The following SDK1 variants were observed in gnomAD, a reference collection of about 807,000 sequenced individuals.
SDK1 encodes sidekick cell adhesion molecule 1.
Under a neutral mutation model 245.5 loss-of-function variants are expected in SDK1, and 157 were observed. That is an observed-to-expected ratio of 0.64 (90% CI 0.56 to 0.73). The LOEUF (loss-of-function observed/expected upper bound fraction) is 0.73. Ranked by LOEUF, SDK1 falls within the 30% of genes least tolerant of loss-of-function variation. The probability of loss-of-function intolerance (pLI) is 0.00; values close to 1 mark genes in which losing one functional copy is unlikely to be tolerated. For synonymous variants in SDK1, 1,647 were observed against 1,278.5 expected, an observed-to-expected ratio of 1.29 and a Z score of -6.15; for missense variants, 3,583 against 3,002.3, an observed-to-expected ratio of 1.19 and a Z score of -4.52.
At chr7:4,220,640 T>C (rs1785097831) in intron 39 of SDK1, among the ~76,000 whole-genome samples, 1 of 151,698 alleles carries the variant, frequency 6.6e-6, no homozygotes, top group South Asian at 2.1e-4. Context: ...CTTATCCAAC[T>C]GTTCTGCCCT....
chr7:3,427,339 T>C (rs1452913561), intron 1 of SDK1, among the ~76,000 whole-genome samples: 1 of 152,086 alleles, frequency 6.6e-6, no homozygotes, highest in East Asian at 1.9e-4. Context: ...GCCAACATGA[T>C]GAAACCCTGT....
intron 1 of SDK1, among the ~76,000 whole-genome samples, chr7:3,586,420 G>A (rs369540825): frequency 3.9e-5 from 6 of 151,922 alleles, no homozygotes; most frequent in East Asian, 1.9e-4. Flanking sequence ...GGACAGGGCC[G>A]GGCGCGGTGG....
chr7:4,045,310 A>T (rs1185100623), intron 17 of SDK1, among the ~76,000 whole-genome samples: 1 of 152,098 alleles, frequency 6.6e-6, no homozygotes, highest in Non-Finnish European at 1.5e-5. Context: ...TGGTGTAATC[A>T]CAGCTCACTG....
chr7:4,122,476 A>C (rs1468492738), intron 25 of SDK1, among the ~76,000 whole-genome samples: 2 of 152,184 alleles, frequency 1.3e-5, no homozygotes, highest in Non-Finnish European at 2.9e-5. Flanking sequence ...GGAGCTTAGG[A>C]ATGGCCCAGT....
At chr7:4,046,267 T>C (rs1403307296) in intron 17 of SDK1, among the ~76,000 whole-genome samples, 1 of 152,146 alleles carries the variant, frequency 6.6e-6, no homozygotes, top group Non-Finnish European at 1.5e-5. Context: ...CGTTCTTTAT[T>C]GGGTATCTGT....
rs145657104 is a variant in SDK1, at chr7:3,745,744, T to C, written c.714-75706T>C. 4.9e-3 allele frequency among the ~76,000 whole-genome samples: 741 copies of C among 152,182 alleles called. 6 individuals carry two copies. Among genetic ancestry groups the C allele is most frequent in the African/African-American group, 0.017 (692 of 41,520 alleles). ...ACATTGTTTTCAAATGTCTAGCCAA[T>C]ATAATTAGCCAAGATAAGTAGTAGT... is the stretch of plus-strand genomic sequence containing the variant. On this transcript the variant is annotated intron_variant, in intron 4 of 44. Transcript: ENST00000404826.
chr7:3,987,673 C>T (rs1296098052), intron 14 of SDK1, among the ~76,000 whole-genome samples: 2 of 152,114 alleles, frequency 1.3e-5, no homozygotes, highest in African/African-American at 4.8e-5. Flanking sequence ...TCACCGTCGC[C>T]GCCACTGCTC....
At chr7:3,849,891 C>T (rs1780376102) in intron 5 of SDK1, among the ~76,000 whole-genome samples, 1 of 152,186 alleles carries the variant, frequency 6.6e-6, no homozygotes, top group South Asian at 2.1e-4. Context: ...GTTATGAAGG[C>T]AGTGCTTGGC....
chr7:3,318,740 C>T lies in SDK1; in HGVS notation c.298+16856C>T, dbSNP rs146739884. ...TGATGAATATATTGACCTAGCATAG[C>T]CCTTGCCATTGCATTAGGTACCATC... is the stretch of plus-strand genomic sequence containing the variant. On this transcript the variant is annotated intron_variant, in intron 1 of 44. Coordinates refer to ENST00000404826, the MANE Select transcript of SDK1 (RefSeq NM_152744.4). Among the ~76,000 whole-genome samples, 262 of 152,232 alleles carry T rather than the reference C, an allele frequency of 1.7e-3. 2 individuals carry two copies. Among genetic ancestry groups the T allele is most frequent in the African/African-American group, 6.0e-3 (251 of 41,548 alleles).
intron 1 of SDK1, among the ~76,000 whole-genome samples, chr7:3,439,934 C>CT (rs34797375): frequency 0.11 from 16,990 of 151,680 alleles, 1,282 homozygotes; most frequent in African/African-American, 0.21. Context: ...CTGTGCTGGA[C>CT]TTTTTTTTTA....
chr7:3,748,883 C>T (rs1779697400), intron 4 of SDK1, among the ~76,000 whole-genome samples: 1 of 152,170 alleles, frequency 6.6e-6, no homozygotes, highest in Non-Finnish European at 1.5e-5. Flanking sequence ...AAATATGATT[C>T]ATCCTGTCCA....
At chr7:4,036,351 TG>T (rs1307577129) in intron 17 of SDK1, among the ~76,000 whole-genome samples, 4 of 152,238 alleles carry the variant, frequency 2.6e-5, no homozygotes, top group African/African-American at 4.8e-5. Flanking sequence ...ATCGTGTAAA[TG>T]GATTTGGAAT....
intron 1 of SDK1, among the ~76,000 whole-genome samples, chr7:3,358,110 C>T (rs1231593340): frequency 6.6e-6 from 1 of 152,128 alleles, no homozygotes; most frequent in Non-Finnish European, 1.5e-5. Context: ...CAACCTCTGC[C>T]TCCTGGATTC....
At chr7:4,162,025 C>T (rs1408798503) in intron 32 of SDK1, among the ~76,000 whole-genome samples, 169 bp downstream of exon 32, 1 of 152,048 alleles carries the variant, frequency 6.6e-6, no homozygotes. Flanking sequence ...GAAATGGTGT[C>T]AATTATCATC....
At chr7:3,812,055 G>A (rs748292907) in intron 4 of SDK1, among the ~76,000 whole-genome samples, 3 of 152,292 alleles carry the variant, frequency 2.0e-5, no homozygotes, top group Admixed American at 6.5e-5. Context: ...TGCCTTTGCA[G>A]CTCTTGCCAG....
chr7:4,246,151 G>A (rs1026998199), intron 44 of SDK1, among the ~76,000 whole-genome samples: 6 of 152,170 alleles, frequency 3.9e-5, no homozygotes, highest in East Asian at 3.9e-4. Context: ...TGATGGAAGC[G>A]CAGGTTCCGA....
chr7:3,502,613 G>C (rs954740819), intron 1 of SDK1, among the ~76,000 whole-genome samples: 1 of 152,070 alleles, frequency 6.6e-6, no homozygotes, highest in Non-Finnish European at 1.5e-5. Context: ...ACAAAATTTG[G>C]ATTTACATAC....
At chr7:3,642,170 A>G (rs1352332172) in intron 4 of SDK1, 65 bp downstream of exon 4, 8 of 1,479,346 alleles carry the variant, frequency 5.4e-6, no homozygotes, top group African/African-American at 4.2e-5. Flanking sequence ...CACCATCTAC[A>G]CAGTAAGTGT....
chr7:3,454,234 C>G (rs1216855361), intron 1 of SDK1, among the ~76,000 whole-genome samples: 1 of 152,072 alleles, frequency 6.6e-6, no homozygotes, highest in Non-Finnish European at 1.5e-5. Flanking sequence ...AAAACCAGGT[C>G]CACAAATAAA....
Sources: gnomAD v4.1 joint callset for allele counts (sites outside exome capture counted in the v4.1 genomes callset) on GRCh38, gnomAD v4.1.1 for gene constraint, MANE v1.5 for transcripts, NCBI Gene and HGNC (gene_info 2026-07-23, HGNC 2026-07-21) for gene names.